ARPP19: variants seen among roughly 807,000 people sequenced by gnomAD.
The protein encoded by ARPP19 is cAMP-regulated phosphoprotein 19.
Under a neutral mutation model 12.0 loss-of-function variants are expected in ARPP19, and 8 were observed. The observed-to-expected ratio is 0.67, with a 90% CI of 0.39 to 1.21. The LOEUF (loss-of-function observed/expected upper bound fraction) is 1.21, where lower values mean the gene tolerates loss of function less well. Among genes scored for constraint, ARPP19 ranks in the 50% most tolerant of loss-of-function variants. The pLI, the probability that ARPP19 is intolerant of heterozygous loss-of-function variation, is 0.01. For synonymous variants in ARPP19, 47 were observed against 50.4 expected, an observed-to-expected ratio of 0.93 and a Z score of 0.29; for missense variants, 102 against 136.3, an observed-to-expected ratio of 0.75 and a Z score of 1.25.
chr15:52,567,603 T>G (rs2078095880), intron 1 of ARPP19, among the ~76,000 whole-genome samples: 1 of 152,216 alleles, frequency 6.6e-6, no homozygotes, highest in East Asian at 1.9e-4. Flanking sequence ...ATATTTGTAT[T>G]TTTGCCCCCA....
rs866536172 is a variant in ARPP19 at position 52,554,183 on chromosome 15, T to C, written c.169-2079A>G. ...AAATTTTAGGCAGATTTTCCCCCTA[T>C]GTAATAAACGCAGTTTCTAATGTAA... On this transcript the variant is annotated intron_variant, in intron 2 of 2. Coordinates refer to ENST00000249822, the MANE Select transcript of ARPP19 (RefSeq NM_006628.6). 2.6e-5 allele frequency among the ~76,000 whole-genome samples: 4 copies of C among 152,170 alleles called. No individual in the cohort carries two copies. The South Asian group carries it at 6.2e-4, about 24-fold the overall frequency.
chr15:52,555,821 T>C (rs2077976797), intron 2 of ARPP19, among the ~76,000 whole-genome samples: 1 of 152,048 alleles, frequency 6.6e-6, no homozygotes, highest in African/African-American at 2.4e-5. Context: ...ATAAATACTA[T>C]GATGTAATTT....
At position 52,568,789 on chromosome 15, in the gene ARPP19, A is replaced by G. The variant is rs1050045523; in HGVS notation, c.45+59T>C. ...GCGCGGCCCTCCGCCTGGCGGGAGC[A>G]GGCCGCCCGCCAGACCCGGCCTTGG... On this transcript the variant is annotated intron_variant, in intron 1 of 2. Transcript: ENST00000249822. The G allele has an allele frequency of 5.3e-6, 7 of 1,322,464 alleles. No individual in the cohort carries two copies. The South Asian group carries it at 8.5e-5, about 16-fold the overall frequency. The allele number at this position is 1,322,464 out of a possible 1,614,324, so 81.9% of individuals were successfully genotyped here. A position where few individuals can be genotyped will look rare whatever the true frequency, so the allele number is the denominator to read the frequency against.
At chr15:52,557,528 T>C (rs1342994961) in intron 1 of ARPP19, 2 of 227,584 alleles carry the variant, frequency 8.8e-6, no homozygotes, top group East Asian at 1.1e-4. Context: ...CATTTATAGT[T>C]AGTCACCTTC....
At chr15:52,565,300 C>T (rs1566898881) in intron 1 of ARPP19, among the ~76,000 whole-genome samples, 1 of 152,200 alleles carries the variant, frequency 6.6e-6, no homozygotes, top group Non-Finnish European at 1.5e-5. Context: ...GCTGGGATTA[C>T]AGGCAAGAGC....
chr15:52,553,055 C>T (rs550818342), intron 2 of ARPP19, among the ~76,000 whole-genome samples: 3 of 152,016 alleles, frequency 2.0e-5, no homozygotes, highest in South Asian at 2.1e-4. Flanking sequence ...CCAGCCTGGG[C>T]GACAGAGCAA....
chr15:52,562,089 G>A (rs1414217973), intron 1 of ARPP19, among the ~76,000 whole-genome samples: 1 of 151,998 alleles, frequency 6.6e-6, no homozygotes, highest in African/African-American at 2.4e-5. Flanking sequence ...AAAATGGCAT[G>A]AAAATATACA....
intron 1 of ARPP19, among the ~76,000 whole-genome samples, chr15:52,567,825 T>C (rs1473490012): frequency 6.6e-6 from 1 of 152,104 alleles, no homozygotes; most frequent in Non-Finnish European, 1.5e-5. Context: ...CCAACTTAAT[T>C]AGGACATAAG....
At chr15:52,556,035 C>T (rs147451618) in intron 2 of ARPP19, among the ~76,000 whole-genome samples, 5 of 151,994 alleles carry the variant, frequency 3.3e-5, no homozygotes, top group East Asian at 1.9e-4. Flanking sequence ...TTTCATGGTA[C>T]GGGAGTTTTA....
chr15:52,565,906 G>C (rs1270669194), intron 1 of ARPP19, among the ~76,000 whole-genome samples: 1 of 152,184 alleles, frequency 6.6e-6, no homozygotes, highest in African/African-American at 2.4e-5. Context: ...CCAGGCTAGA[G>C]TGCAGTGGCA....
In ARPP19 at chr15:52,562,474, G is replaced by A. The variant is rs569085164; in HGVS notation, c.46-5252C>T. ...AAAAATAGGAGTTCTAGACCTACCCGGGCAACACAGTAAGACCTTGGCCTT... is the reference window on the plus strand; with the variant it reads ...AAAAATAGGAGTTCTAGACCTACCCAGGCAACACAGTAAGACCTTGGCCTT... On this transcript the variant is annotated intron_variant, in intron 1 of 2. Coordinates refer to ENST00000249822, the MANE Select transcript of ARPP19 (RefSeq NM_006628.6). Among the ~76,000 whole-genome samples, 135 of 152,072 alleles carry A rather than the reference G, an allele frequency of 8.9e-4. 6 individuals are homozygous for A. In the South Asian group the frequency reaches 0.026, roughly 29 times the overall value.
chr15:52,547,437 A>T lies in ARPP19; in HGVS notation c.*4497T>A, dbSNP rs2077887662. 6.6e-6 allele frequency: 1 copy of T among 152,244 alleles called. No individual in the cohort carries two copies. The highest frequency in any genetic ancestry group is 6.5e-5 in the Admixed American group (1 of 15,284). The allele number at this position is 152,244 out of a possible 1,614,324, so 9.4% of individuals were successfully genotyped here. ...AGTGTTCTATTGCATCACAAGTGCT[A>T]GTGATGCAGTAACAGATCCAAGGGC... On this transcript the variant is annotated 3_prime_UTR_variant, in exon 3 of 3. Coordinates refer to ENST00000249822, the MANE Select transcript of ARPP19 (RefSeq NM_006628.6).
At chr15:52,568,087 G>A (rs1303564192) in intron 1 of ARPP19, among the ~76,000 whole-genome samples, 2 of 152,214 alleles carry the variant, frequency 1.3e-5, no homozygotes, top group East Asian at 1.9e-4. Context: ...GAACCACAGT[G>A]ACACTCCCGG....
chr15:52,560,763 A>C (rs2078024654), intron 1 of ARPP19, among the ~76,000 whole-genome samples: 1 of 152,238 alleles, frequency 6.6e-6, no homozygotes, highest in East Asian at 1.9e-4. Flanking sequence ...GCCAGATTAA[A>C]AGGCATGAGA....
chr15:52,558,208 T>C (rs771779235), intron 1 of ARPP19, among the ~76,000 whole-genome samples: 37 of 151,926 alleles, frequency 2.4e-4, no homozygotes, highest in Admixed American at 1.0e-3. Context: ...TCCCAACACT[T>C]TGGGAGCTGT....
intron 2 of ARPP19, among the ~76,000 whole-genome samples, chr15:52,556,616 T>C (rs916200832): frequency 1.3e-5 from 2 of 152,196 alleles, no homozygotes; most frequent in African/African-American, 4.8e-5. Context: ...TATTTTAAGC[T>C]TTTGAATGTT....
intron 1 of ARPP19, among the ~76,000 whole-genome samples, chr15:52,566,043 AGGG>A (rs1029670630): frequency 6.6e-6 from 1 of 152,038 alleles, no homozygotes; most frequent in African/African-American, 2.4e-5. Flanking sequence ...TTTAGTAGAG[AGGG>A]GGTTTCCCCA....
intron 1 of ARPP19, among the ~76,000 whole-genome samples, chr15:52,566,954 C>T (rs892727689): frequency 1.3e-5 from 2 of 148,478 alleles, no homozygotes; most frequent in African/African-American, 5.0e-5. Context: ...AGGCAACCTA[C>T]CAGTAAACTA....
At chr15:52,561,713 T>C (rs1243256938) in intron 1 of ARPP19, among the ~76,000 whole-genome samples, 1 of 151,400 alleles carries the variant, frequency 6.6e-6, no homozygotes, top group Non-Finnish European at 1.5e-5. Context: ...AATCCCAATA[T>C]GTTAATAACC....
Sources: allele counts gnomAD v4.1 joint callset (sites outside exome capture counted in the v4.1 genomes callset), GRCh38; gene constraint gnomAD v4.1.1; transcripts MANE v1.5; gene names NCBI Gene and HGNC (gene_info 2026-07-23, HGNC 2026-07-21).